TBC1D12: variants seen among roughly 807,000 people sequenced by gnomAD.
The protein encoded by TBC1D12 is TBC1 domain family member 12.
TBC1D12 carries 56 observed loss-of-function variants against 86.7 expected under a neutral mutation model. The ratio of observed to expected loss-of-function variants is 0.65; its 90% CI spans 0.52 to 0.81. The LOEUF (loss-of-function observed/expected upper bound fraction) is 0.81. Among genes scored for constraint, TBC1D12 ranks in the 30% least tolerant of loss-of-function variants. The probability of loss-of-function intolerance (pLI) is 0.00; values close to 1 mark genes in which losing one functional copy is unlikely to be tolerated. For synonymous variants in TBC1D12, 421 were observed against 411.7 expected (o/e 1.02, Z -0.27); for missense variants, 1,023 against 1,038.8 (o/e 0.98, Z 0.21).
rs527347822 is a variant in TBC1D12, at chr10:94,403,493, C to T, written c.880C>T (p.Pro294Ser). The part of the protein sequence containing the change: ...SARDHLPPAG[P>S]PVPLPAAEQG... Reference sequence around the variant, plus strand: ...CCGCGATCACCTGCCCCCGGCGGGGCCGCCGGTGCCCTTGCCCGCCGCGGA... The same window carrying T: ...CCGCGATCACCTGCCCCCGGCGGGGTCGCCGGTGCCCTTGCCCGCCGCGGA... Residue 294 changes from proline to serine, a missense_variant, in exon 1 of 13, where the codon CCG becomes TCG. Physicochemically the swap from Pro to Ser is moderately conservative, Grantham distance 74. Transcript: ENST00000225235. 71 of 1,544,488 alleles carry T rather than the reference C, an allele frequency of 4.6e-5. 2 individuals carry two copies. In the South Asian group the frequency reaches 8.3e-4, roughly 18 times the overall value.
intron 1 of TBC1D12, among the ~76,000 whole-genome samples, chr10:94,428,947 C>T (rs1217010551): frequency 6.6e-6 from 1 of 152,102 alleles, no homozygotes; most frequent in Non-Finnish European, 1.5e-5. Flanking sequence ...GCAAGTGATC[C>T]TCCCGCCTTG....
chr10:94,420,462 ACTAT>A (rs545958611), intron 1 of TBC1D12, among the ~76,000 whole-genome samples: 249 of 152,354 alleles, frequency 1.6e-3, no homozygotes, highest in South Asian at 3.3e-3. Context: ...AGCTAGCACC[ACTAT>A]CTAATTCTAG....
At chr10:94,433,792 C>T (rs1219073675) in intron 1 of TBC1D12, among the ~76,000 whole-genome samples, 1 of 152,142 alleles carries the variant, frequency 6.6e-6, no homozygotes, top group Non-Finnish European at 1.5e-5. Flanking sequence ...AAAAAATATG[C>T]TTAAGCCCTT....
chr10:94,483,424 G>T (rs1327793526), intron 3 of TBC1D12, among the ~76,000 whole-genome samples: 1 of 152,144 alleles, frequency 6.6e-6, no homozygotes, highest in Non-Finnish European at 1.5e-5. Flanking sequence ...TTCAGCATTT[G>T]ATATTGCCTG....
chr10:94,403,239 C>T lies in TBC1D12; in HGVS notation c.626C>T (p.Ala209Val), dbSNP rs2054795968. Residue 209 changes from alanine to valine, a missense_variant, in exon 1 of 13, where the codon GCC becomes GTC. Coordinates refer to ENST00000225235, the MANE Select transcript of TBC1D12 (RefSeq NM_015188.2). ...AGCTGCTGCCTGGTGGCCGCGGACG[C>T]CCAGGAGCCCGAGGGCGCGGGCAGC... Reference protein sequence around the residue: ...LRSCCLVAADAQEPEGAGSDS... With the variant: ...LRSCCLVAADVQEPEGAGSDS... The T allele has an allele frequency of 9.9e-6, 15 of 1,508,270 alleles. No homozygotes were observed. The highest frequency in any genetic ancestry group is 1.5e-5 in the African/African-American group (1 of 68,730). 93.4% of individuals were successfully genotyped at this position (1,508,270 alleles called of 1,614,324 possible).
intron 11 of TBC1D12, among the ~76,000 whole-genome samples, chr10:94,523,174 C>A: frequency 9.3e-6 from 1 of 107,218 alleles, no homozygotes; most frequent in African/African-American, 3.7e-5. Context: ...GCCTGGACAA[C>A]AGAGCGAAAC....
chr10:94,413,984 C>G (rs145087081), intron 1 of TBC1D12, among the ~76,000 whole-genome samples: 1 of 152,186 alleles, frequency 6.6e-6, no homozygotes, highest in East Asian at 1.9e-4. Flanking sequence ...TGTTCGTAGC[C>G]ATCTTTTAGT....
intron 3 of TBC1D12, among the ~76,000 whole-genome samples, chr10:94,490,184 G>A (rs866663669): frequency 1.4e-4 from 22 of 152,236 alleles, no homozygotes; most frequent in Middle Eastern, 6.8e-3. Flanking sequence ...CCAACTGGGA[G>A]GTGGAGGTTA....
intron 1 of TBC1D12, among the ~76,000 whole-genome samples, chr10:94,409,650 A>G (rs2134048063): frequency 6.6e-6 from 1 of 152,304 alleles, no homozygotes; most frequent in East Asian, 1.9e-4. Flanking sequence ...TGCTAGGATT[A>G]TAGGCATGAG....
intron 4 of TBC1D12, among the ~76,000 whole-genome samples, chr10:94,495,947 C>CA (rs1219601009): frequency 6.6e-6 from 1 of 151,904 alleles, no homozygotes; most frequent in African/African-American, 2.4e-5. Flanking sequence ...ACTAAAAATA[C>CA]AAAAAATTAG....
intron 1 of TBC1D12, among the ~76,000 whole-genome samples, chr10:94,426,805 T>C (rs954795685): frequency 6.6e-6 from 1 of 152,188 alleles, no homozygotes; most frequent in African/African-American, 2.4e-5. Context: ...CTTGAACTCC[T>C]GACCTCTTGA....
intron 11 of TBC1D12, among the ~76,000 whole-genome samples, chr10:94,530,531 A>G (rs1842395426): frequency 6.6e-6 from 1 of 152,226 alleles, no homozygotes; most frequent in Non-Finnish European, 1.5e-5. Flanking sequence ...TACATGCCAA[A>G]CGCTGATGTA....
At chr10:94,525,726 A>C (rs897960059) in intron 11 of TBC1D12, among the ~76,000 whole-genome samples, 1 of 151,578 alleles carries the variant, frequency 6.6e-6, no homozygotes, top group Non-Finnish European at 1.5e-5. Context: ...TGTATATTAC[A>C]TTTTCTAAAA....
intron 4 of TBC1D12, among the ~76,000 whole-genome samples, chr10:94,495,086 C>T (rs1367536465): frequency 6.6e-6 from 1 of 151,486 alleles, no homozygotes; most frequent in Non-Finnish European, 1.5e-5. Flanking sequence ...TGCAGTGGCG[C>T]AATCTCGGCT....
rs140706881 is a variant in TBC1D12 at position 94,457,778 on chromosome 10, G to A, written c.1095+15759G>A. Among the ~76,000 whole-genome samples the A allele has an allele frequency of 6.3e-3, 953 of 151,918 alleles. 1 individual carries two copies. The highest frequency in any genetic ancestry group is 7.1e-3 in the Non-Finnish European group (483 of 67,974). ...TGATTCCATTTTCTCCCATTTCTTA[G>A]CATATCAGTTATACTTCTTTTTTTA... On this transcript the variant is annotated intron_variant, in intron 2 of 12. Transcript: ENST00000225235.
At chr10:94,418,899 G>A (rs1441538937) in intron 1 of TBC1D12, among the ~76,000 whole-genome samples, 1 of 145,114 alleles carries the variant, frequency 6.9e-6, no homozygotes, top group African/African-American at 2.6e-5. Context: ...TTTCGAGGCA[G>A]AGTCTCGCTC....
chr10:94,490,259 AG>A lies in TBC1D12; in HGVS notation c.1212-3105del, dbSNP rs201701207. On this transcript the variant is annotated intron_variant, in intron 3 of 12. Coordinates refer to ENST00000225235, the MANE Select transcript of TBC1D12 (RefSeq NM_015188.2). ...GACAAGAGTGAAACTCTGTTTCAAAAGAAAAAAAAAAAGAAATATTGCAAGA... is the reference window on the plus strand; with the variant it reads ...GACAAGAGTGAAACTCTGTTTCAAAAAAAAAAAAAAAGAAATATTGCAAGA... Among the ~76,000 whole-genome samples, 885 of 151,866 alleles carry A rather than the reference AG, an allele frequency of 5.8e-3. 35 individuals are homozygous for A. The East Asian group carries it at 0.11, about 18-fold the overall frequency.
intron 2 of TBC1D12, among the ~76,000 whole-genome samples, chr10:94,445,768 T>G (rs2055453073): frequency 6.6e-6 from 1 of 152,034 alleles, no homozygotes; most frequent in Non-Finnish European, 1.5e-5. Flanking sequence ...GCCAACATGG[T>G]GAAACCTGGT....
At chr10:94,511,530 T>C (rs2056527011) in intron 8 of TBC1D12, 53 bp from the exon 9 acceptor site, 2 of 1,128,494 alleles carry the variant, frequency 1.8e-6, no homozygotes, top group Admixed American at 3.8e-5. Flanking sequence ...ATATGAAAAT[T>C]AACTTAGAGA....
Sources: gnomAD v4.1 joint callset for allele counts (sites outside exome capture counted in the v4.1 genomes callset) on GRCh38, gnomAD v4.1.1 for gene constraint, MANE v1.5 for transcripts, NCBI Gene and HGNC (gene_info 2026-07-23, HGNC 2026-07-21) for gene names.